The following MBTD1 variants were observed in gnomAD, a reference collection of about 807,000 sequenced individuals.
MBTD1 encodes the protein mbt domain containing 1.
In MBTD1, 24 loss-of-function variants were observed where a neutral mutation model predicts 87.8. The observed-to-expected ratio is 0.27, with a 90% CI of 0.20 to 0.38. The LOEUF (loss-of-function observed/expected upper bound fraction) is 0.38. Ranked by LOEUF, MBTD1 falls within the 10% of genes least tolerant of loss-of-function variation. MBTD1 has a pLI of 1.00. For synonymous variants in MBTD1, 237 were observed against 248.6 expected (o/e 0.95, Z 0.44); for missense variants, 436 against 760.2 (o/e 0.57, Z 5.02).
At chr17:51,258,302 A>G (rs2055211979) in intron 2 of MBTD1, among the ~76,000 whole-genome samples, 1 of 152,212 alleles carries the variant, frequency 6.6e-6, no homozygotes, top group South Asian at 2.1e-4. Context: ...TCTTAGGCCA[A>G]TAAAACTACT....
chr17:51,230,888 T>A (rs551688929), intron 2 of MBTD1, among the ~76,000 whole-genome samples: 1 of 152,318 alleles, frequency 6.6e-6, no homozygotes, highest in East Asian at 1.9e-4. Context: ...GATTTTACGT[T>A]CTAATAGAGT....
Position 51,179,496 on chromosome 17 carries a change from A to ATATT in MBTD1, c.*1079_*1080insAATA, listed in dbSNP as rs1555673725. 5.6e-5 allele frequency: 3 copies of ATATT among 53,104 alleles called. No individual in the cohort carries two copies. Among genetic ancestry groups the ATATT allele is most frequent in the East Asian group, 5.6e-4 (1 of 1,800 alleles). 3.3% of individuals were successfully genotyped at this position (53,104 alleles called of 1,614,324 possible). ...ATTAAAGACAATTTTATATATATAT[A>ATATT]TATATATATATATATATATATATAT... On this transcript the variant is annotated 3_prime_UTR_variant, in exon 17 of 17. Transcript: ENST00000586178.
intron 2 of MBTD1, among the ~76,000 whole-genome samples, chr17:51,231,580 C>T (rs1329830367): frequency 4.6e-5 from 7 of 152,046 alleles, no homozygotes; most frequent in Non-Finnish European, 7.4e-5. Context: ...TCTAGAGTAC[C>T]TTTTAGGACT....
At chr17:51,252,950 A>G (rs1000583946) in intron 2 of MBTD1, among the ~76,000 whole-genome samples, 1 of 151,894 alleles carries the variant, frequency 6.6e-6, no homozygotes, top group Non-Finnish European at 1.5e-5. Flanking sequence ...AATTAGAGAG[A>G]TAGATACTAG....
intron 2 of MBTD1, among the ~76,000 whole-genome samples, chr17:51,241,490 C>T (rs1215999509): frequency 6.6e-6 from 1 of 152,210 alleles, no homozygotes; most frequent in Non-Finnish European, 1.5e-5. Flanking sequence ...GTTCACCAGT[C>T]AGCATTCTCT....
At chr17:51,234,400 C>CAAAA (rs71149356) in intron 2 of MBTD1, among the ~76,000 whole-genome samples, 153 of 68,512 alleles carry the variant, frequency 2.2e-3, no homozygotes, top group African/African-American at 7.4e-3. Context: ...TCCCCGTCTC[C>CAAAA]AAAAAAAAAA....
chr17:51,177,711 G>T lies in MBTD1; in HGVS notation c.*2865C>A, dbSNP rs2050156516. 6.6e-6 allele frequency: 1 copy of T among 152,142 alleles called. No individual in the cohort carries two copies. The highest frequency in any genetic ancestry group is 2.4e-5 in the African/African-American group (1 of 41,430). 9.4% of individuals were successfully genotyped at this position (152,142 alleles called of 1,614,324 possible). A position where few individuals can be genotyped will look rare whatever the true frequency, so the allele number is the denominator to read the frequency against. On this transcript the variant is annotated 3_prime_UTR_variant, in exon 17 of 17. Coordinates refer to ENST00000586178, the MANE Select transcript of MBTD1 (RefSeq NM_017643.3). ...TATATCAAATACATACAGAAATGAT[G>T]TAAAAACCTTATGCAGTTTACTTTG... is the stretch of plus-strand genomic sequence containing the variant.
chr17:51,237,502 T>C (rs2053917041), intron 2 of MBTD1, among the ~76,000 whole-genome samples: 1 of 152,000 alleles, frequency 6.6e-6, no homozygotes, highest in Non-Finnish European at 1.5e-5. Flanking sequence ...AATAACCCAA[T>C]TCATAAAAAG....
At chr17:51,222,797 A>C (rs533933953) in intron 3 of MBTD1, among the ~76,000 whole-genome samples, 2 of 150,796 alleles carry the variant, frequency 1.3e-5, no homozygotes, top group East Asian at 4.0e-4. Flanking sequence ...TCAGCCCCTG[A>C]GCTGTTCATA....
chr17:51,202,979 G>T (rs968653865), intron 9 of MBTD1, 44 bp from the exon 10 acceptor site: 2 of 1,484,532 alleles, frequency 1.3e-6, no homozygotes, highest in Admixed American at 1.7e-5. Flanking sequence ...CATGACAAAG[G>T]TCTACAAGAA....
At chr17:51,247,792 T>G (rs1199653833) in intron 2 of MBTD1, among the ~76,000 whole-genome samples, 2 of 152,210 alleles carry the variant, frequency 1.3e-5, no homozygotes, top group African/African-American at 2.4e-5. Flanking sequence ...CTTTCCATTT[T>G]CTATACTCAT....
At chr17:51,192,547 T>A (rs1010771923) in intron 15 of MBTD1, 3 of 723,832 alleles carry the variant, frequency 4.1e-6, no homozygotes, top group East Asian at 5.5e-5. Flanking sequence ...CTAGTTTAAT[T>A]TGGTGACTGT....
intron 2 of MBTD1, among the ~76,000 whole-genome samples, chr17:51,237,702 T>G (rs2053930725): frequency 6.6e-6 from 1 of 152,168 alleles, no homozygotes; most frequent in South Asian, 2.1e-4. Context: ...TCTCATACAT[T>G]GTGGATGAGA....
At chr17:51,210,479 G>A (rs1250412875) in intron 6 of MBTD1, among the ~76,000 whole-genome samples, 2 of 152,172 alleles carry the variant, frequency 1.3e-5, no homozygotes, top group Non-Finnish European at 2.9e-5. Context: ...AAGGCGGCCA[G>A]GTGTGGTGGC....
chr17:51,234,762 C>T (rs1198861819), intron 2 of MBTD1, among the ~76,000 whole-genome samples: 2 of 152,162 alleles, frequency 1.3e-5, no homozygotes, highest in Non-Finnish European at 2.9e-5. Context: ...GGTGCAATCT[C>T]GGCTCACCGC....
rs551731461 is a variant in MBTD1 at position 51,184,483 on chromosome 17, A to G, written c.1769-3789T>C. ...TAGTTAAGGTAGCAATGTAGTCCCT[A>G]CTTAGTTTCATCAGAGAAAAATCAC... On this transcript the variant is annotated intron_variant, in intron 16 of 16. Transcript: ENST00000586178. 6 of 152,338 alleles carry G rather than the reference A, an allele frequency of 3.9e-5. No homozygotes were observed. The Middle Eastern group carries it at 0.014, about 345-fold the overall frequency. The allele number at this position is 152,338 out of a possible 1,614,324, so 9.4% of individuals were successfully genotyped here.
intron 7 of MBTD1, 34 bp from the exon 8 acceptor site, chr17:51,203,959 A>G (rs1256964752): frequency 6.6e-7 from 1 of 1,523,170 alleles, no homozygotes; most frequent in East Asian, 2.3e-5. Flanking sequence ...ACATAATAAG[A>G]AAATAAAATT....
chr17:51,183,352 A>C (rs1340712405), intron 16 of MBTD1: 2 of 151,822 alleles, frequency 1.3e-5, no homozygotes, highest in African/African-American at 4.8e-5. Context: ...TTGTATTTTC[A>C]GTAGAGATGT....
rs1170968392 is a variant in MBTD1 at position 51,220,342 on chromosome 17, C to T, written c.276G>A (p.Leu92=). Residue 92 remains leucine, a synonymous_variant, in exon 4 of 17, where the codon TTG becomes TTA. Coordinates refer to ENST00000586178, the MANE Select transcript of MBTD1 (RefSeq NM_017643.3). ...YSSNSKKASI[L]ARLQGKPPTK... ...TCTGTACCGTTACCTGAAGTCTGGC[C>T]AAAATGCTTGCCTTCTTGGAGTTTG... The T allele has an allele frequency of 6.5e-7, 1 of 1,549,586 alleles. No individual in the cohort carries two copies. The highest frequency in any genetic ancestry group is 8.7e-7 in the Non-Finnish European group (1 of 1,145,618).
Sources: gnomAD v4.1 joint callset for allele counts (sites outside exome capture counted in the v4.1 genomes callset) on GRCh38, gnomAD v4.1.1 for gene constraint, MANE v1.5 for transcripts, NCBI Gene and HGNC (gene_info 2026-07-23, HGNC 2026-07-21) for gene names.